AP1G1: variants seen among roughly 807,000 people sequenced by gnomAD.
AP1G1 encodes adaptor related protein complex 1 subunit gamma 1.
AP1G1 carries 7 observed loss-of-function variants against 108.3 expected under a neutral mutation model. That is an observed-to-expected ratio of 0.06 (90% CI 0.04 to 0.12). AP1G1 has a LOEUF of 0.12. AP1G1 is among the 10% of genes least tolerant of loss of function. The pLI is 1.00. For missense variants in AP1G1, 756 were observed against 1,010.7 expected, an observed-to-expected ratio of 0.75 and a Z score of 3.42; for synonymous variants, 379 against 353.5, an observed-to-expected ratio of 1.07 and a Z score of -0.81.
intron 11 of AP1G1, among the ~76,000 whole-genome samples, chr16:71,756,730 T>A (rs1217726746): frequency 6.6e-6 from 1 of 152,032 alleles, no homozygotes; most frequent in African/African-American, 2.4e-5. Flanking sequence ...TCACCTGAGG[T>A]CAGGAGTTTG....
At chr16:71,807,958 G>C in intron 1 of AP1G1, 1 of 1,255,402 alleles carries the variant, frequency 8.0e-7, no homozygotes, top group Non-Finnish European at 1.0e-6. Flanking sequence ...GACAGCTCTT[G>C]CCTCCCAAAA....
In AP1G1 at chr16:71,808,211, T is replaced by TAC. The variant is rs1243866569; in HGVS notation, c.-4+550_-4+551dup. On this transcript the variant is annotated intron_variant, in intron 1 of 22. Coordinates refer to ENST00000299980, the MANE Select transcript of AP1G1 (RefSeq NM_001128.6). ...TTGAAAAAAACAAAACAACAACATA[T>TAC]ACACACACACACGAAAAATTGGGAA... The TAC allele has an allele frequency of 3.8e-4, 112 of 294,730 alleles. No homozygotes were observed. The Middle Eastern group carries it at 4.6e-3, about 12-fold the overall frequency. 18.3% of individuals were successfully genotyped at this position (294,730 alleles called of 1,614,324 possible). A position where few individuals can be genotyped will look rare whatever the true frequency, so the allele number is the denominator to read the frequency against.
At chr16:71,790,880 C>T (rs1230463359) in intron 1 of AP1G1, among the ~76,000 whole-genome samples, 1 of 152,116 alleles carries the variant, frequency 6.6e-6, no homozygotes, top group Non-Finnish European at 1.5e-5. Context: ...TAACTGTACC[C>T]TATCAAAGTT....
intron 1 of AP1G1, among the ~76,000 whole-genome samples, chr16:71,799,818 G>A (rs1393710667): frequency 6.6e-6 from 1 of 151,872 alleles, no homozygotes; most frequent in Admixed American, 6.6e-5. Flanking sequence ...AGAATGGCGT[G>A]AACCCAGGAA....
chr16:71,779,570 G>C (rs894885004), intron 2 of AP1G1, among the ~76,000 whole-genome samples: 1 of 151,920 alleles, frequency 6.6e-6, no homozygotes, highest in Non-Finnish European at 1.5e-5. Context: ...CAAACTCCTG[G>C]CTTCAAGTGA....
chr16:71,746,342 A>T (rs559727748), intron 17 of AP1G1, among the ~76,000 whole-genome samples: 1 of 152,358 alleles, frequency 6.6e-6, no homozygotes, highest in Admixed American at 6.5e-5. Flanking sequence ...ATAGAAAATA[A>T]AGCAAACTTT....
chr16:71,733,248 G>C (rs1019707164), intron 22 of AP1G1, 89 bp from the exon 23 acceptor site: 29 of 1,047,360 alleles, frequency 2.8e-5, no homozygotes, highest in Non-Finnish European at 4.1e-5. Flanking sequence ...TAATCTTAGA[G>C]GTCAAAACTT....
intron 9 of AP1G1, 42 bp downstream of exon 9, chr16:71,764,308 T>A (rs745470564): frequency 8.0e-7 from 1 of 1,252,144 alleles, no homozygotes; most frequent in South Asian, 1.4e-5. Context: ...CCATTCTAAG[T>A]GAAACATTTA....
intron 6 of AP1G1, among the ~76,000 whole-genome samples, chr16:71,768,192 TAAAAAAAAAAAAA>T (rs10610445): frequency 2.0e-5 from 2 of 99,806 alleles, no homozygotes; most frequent in South Asian, 3.5e-4. Flanking sequence ...AATACTAGTT[TAAAAAAAAAAAAA>T]AAAAAAAAAA....
chr16:71,806,428 G>C (rs1015036377), intron 1 of AP1G1, among the ~76,000 whole-genome samples: 1 of 152,192 alleles, frequency 6.6e-6, no homozygotes, highest in Admixed American at 6.5e-5. Flanking sequence ...TATTTTGGTA[G>C]AGACGGAGTC....
At chr16:71,772,192 G>T (rs553084340) in intron 4 of AP1G1, among the ~76,000 whole-genome samples, 3 of 151,258 alleles carry the variant, frequency 2.0e-5, no homozygotes, top group Non-Finnish European at 1.5e-5. Context: ...GTACAATGGC[G>T]CAATGTCGGC....
At chr16:71,757,987 G>A (rs775718276) in intron 11 of AP1G1, among the ~76,000 whole-genome samples, 19 of 152,048 alleles carry the variant, frequency 1.2e-4, no homozygotes, top group Non-Finnish European at 2.5e-4. Context: ...CCACTGAGAG[G>A]GTACTTATAA....
At chr16:71,793,481 T>C (rs1350033862) in intron 1 of AP1G1, among the ~76,000 whole-genome samples, 1 of 152,056 alleles carries the variant, frequency 6.6e-6, no homozygotes, top group Non-Finnish European at 1.5e-5. Context: ...CTATGATAGT[T>C]AAAAATGTCA....
chr16:71,791,856 G>C (rs899745964), intron 1 of AP1G1, among the ~76,000 whole-genome samples: 2 of 150,836 alleles, frequency 1.3e-5, no homozygotes, highest in Non-Finnish European at 2.9e-5. Flanking sequence ...CCACCTCCTG[G>C]GTTCAAGCAC....
In AP1G1 at chr16:71,808,795, C is replaced by A. The variant is rs1001781926; in HGVS notation, c.-36G>T. On this transcript the variant is annotated 5_prime_UTR_variant, in exon 1 of 23. Transcript: ENST00000299980. ...AAACCTCGAATGAAACCAGCAGCTC[C>A]GGGGGCGGCGGCAGCAGTGGCAGCA... The A allele has an allele frequency of 3.9e-6, 5 of 1,289,588 alleles. No individual in the cohort carries two copies. The African/African-American group carries it at 7.6e-5, about 20-fold the overall frequency. The allele number at this position is 1,289,588 out of a possible 1,614,324, so 79.9% of individuals were successfully genotyped here.
At chr16:71,799,507 C>G (rs941934694) in intron 1 of AP1G1, among the ~76,000 whole-genome samples, 9 of 152,204 alleles carry the variant, frequency 5.9e-5, no homozygotes, top group African/African-American at 2.2e-4. Context: ...GTGGCTCACA[C>G]CTGTAATCTC....
intron 9 of AP1G1, among the ~76,000 whole-genome samples, chr16:71,761,854 G>C (rs1022547140): frequency 4.8e-5 from 7 of 145,268 alleles, no homozygotes; most frequent in Non-Finnish European, 9.0e-5. Context: ...AAAATCTAAA[G>C]GCAAACTCTT....
chr16:71,760,304 A>G (rs1488622102), intron 10 of AP1G1, among the ~76,000 whole-genome samples: 1 of 148,510 alleles, frequency 6.7e-6, no homozygotes, highest in Non-Finnish European at 1.5e-5. Flanking sequence ...GCACTTCAGG[A>G]GGACAAGGTG....
intron 10 of AP1G1, among the ~76,000 whole-genome samples, chr16:71,759,488 C>T (rs934844351): frequency 3.6e-5 from 5 of 137,452 alleles, no homozygotes; most frequent in Non-Finnish European, 6.2e-5. Flanking sequence ...GGACTGGGCG[C>T]GGTGGCTCAT....
Sources: gnomAD v4.1 joint callset for allele counts (sites outside exome capture counted in the v4.1 genomes callset) on GRCh38, gnomAD v4.1.1 for gene constraint, MANE v1.5 for transcripts, NCBI Gene and HGNC (gene_info 2026-07-23, HGNC 2026-07-21) for gene names.